Variants in SORCS3 observed in about 807,000 individuals in gnomAD.
SORCS3 encodes VPS10 domain-containing receptor SorCS3.
Under a neutral mutation model 146.3 loss-of-function variants are expected in SORCS3, and 57 were observed. That is an observed-to-expected ratio of 0.39 (90% CI 0.31 to 0.49). The LOEUF is 0.49. Ranked by LOEUF, SORCS3 falls within the 20% of genes least tolerant of loss-of-function variation. The probability of loss-of-function intolerance (pLI) is 0.92; values close to 1 mark genes in which losing one functional copy is unlikely to be tolerated. For missense variants in SORCS3, 1,341 were observed against 1,575.5 expected, an observed-to-expected ratio of 0.85 and a Z score of 2.52; for synonymous variants, 653 against 618.5, an observed-to-expected ratio of 1.06 and a Z score of -0.83.
chr10:104,899,134 G>A (rs948954827), intron 2 of SORCS3, among the ~76,000 whole-genome samples: 16 of 152,164 alleles, frequency 1.1e-4, no homozygotes, highest in African/African-American at 3.9e-4. Flanking sequence ...GAATGAAACA[G>A]CAGCTTCCTA....
intron 20 of SORCS3, among the ~76,000 whole-genome samples, chr10:105,229,720 C>A (rs1176825957): frequency 6.6e-6 from 1 of 152,050 alleles, no homozygotes; most frequent in African/African-American, 2.4e-5. Context: ...TCAGGTGGGC[C>A]AGGGTCTGGG....
chr10:105,062,946 C>G (rs528042984), intron 5 of SORCS3, among the ~76,000 whole-genome samples: 2 of 152,206 alleles, frequency 1.3e-5, no homozygotes, highest in South Asian at 4.2e-4. Flanking sequence ...TGTCACCTCA[C>G]GTATGGTTGC....
At chr10:105,224,248 C>A (rs903070279) in intron 20 of SORCS3, among the ~76,000 whole-genome samples, 13 of 152,188 alleles carry the variant, frequency 8.5e-5, no homozygotes, top group African/African-American at 3.1e-4. Context: ...TTCTTACCTG[C>A]CTCCTCCTTA....
At chr10:105,038,127 G>A (rs184932878) in intron 4 of SORCS3, among the ~76,000 whole-genome samples, 1 of 152,200 alleles carries the variant, frequency 6.6e-6, no homozygotes, top group Non-Finnish European at 1.5e-5. Flanking sequence ...GAAAGGAGAG[G>A]ATCTCGATTG....
intron 9 of SORCS3, among the ~76,000 whole-genome samples, chr10:105,152,470 A>G (rs928615132): frequency 6.6e-6 from 1 of 152,148 alleles, no homozygotes; most frequent in Non-Finnish European, 1.5e-5. Context: ...AAAATCCTGG[A>G]TGTATTTTAC....
At chr10:105,037,714 C>T (rs2055315462) in intron 4 of SORCS3, among the ~76,000 whole-genome samples, 1 of 152,188 alleles carries the variant, frequency 6.6e-6, no homozygotes, top group South Asian at 2.1e-4. Flanking sequence ...TTGATTACAT[C>T]TGCAAAGAAT....
intron 7 of SORCS3, among the ~76,000 whole-genome samples, chr10:105,117,319 G>A (rs1471543474): frequency 1.3e-5 from 2 of 152,144 alleles, no homozygotes; most frequent in Non-Finnish European, 2.9e-5. Flanking sequence ...ACTTTTGGGG[G>A]TAACTTAATG....
intron 8 of SORCS3, 56 bp from the exon 9 acceptor site, chr10:105,147,561 A>G: frequency 6.8e-7 from 1 of 1,463,896 alleles, no homozygotes; most frequent in Non-Finnish European, 9.3e-7. Context: ...TTGGCATCCC[A>G]ATGGGCAGAG....
intron 14 of SORCS3, among the ~76,000 whole-genome samples, chr10:105,183,397 A>G (rs918248900): frequency 7.9e-5 from 12 of 152,132 alleles, no homozygotes; most frequent in African/African-American, 2.9e-4. Flanking sequence ...AGCCTTTTCC[A>G]CTTAAAAAAC....
Position 105,256,869 on chromosome 10 carries a change from C to T in SORCS3, c.3388C>T (p.Leu1130=). 6.2e-7 allele frequency: 1 copy of T among 1,614,176 alleles called. No homozygotes were observed. The highest frequency in any genetic ancestry group is 8.5e-7 in the Non-Finnish European group (1 of 1,180,022). The change falls in exon 25 of 27, where the codon CTA becomes TTA. Residue 1130 remains leucine (L), a synonymous_variant. Coordinates refer to ENST00000369701, the MANE Select transcript of SORCS3 (RefSeq NM_014978.3). ...GCACAGCAGCTCAGCCATGCTTATGCTATTATCAGTGGTATTTGTTGGCCT... is the reference window on the plus strand; with the variant it reads ...GCACAGCAGCTCAGCCATGCTTATGTTATTATCAGTGGTATTTGTTGGCCT... ...AGHSSSAMLM[L]LSVVFVGLAV... is the part of the protein sequence containing the mutation.
chr10:105,177,490 G>C (rs1285151380), intron 13 of SORCS3, among the ~76,000 whole-genome samples: 2 of 151,982 alleles, frequency 1.3e-5, no homozygotes, highest in Non-Finnish European at 2.9e-5. Flanking sequence ...TTCCACAAGG[G>C]GCCAGACCTT....
At chr10:104,971,505 G>T (rs1372556468) in intron 3 of SORCS3, among the ~76,000 whole-genome samples, 1 of 152,192 alleles carries the variant, frequency 6.6e-6, no homozygotes. Context: ...TGGAGCTAGG[G>T]TATACCAGAG....
At chr10:105,261,433 G>A (rs2056959848) in intron 25 of SORCS3, among the ~76,000 whole-genome samples, 3 of 152,160 alleles carry the variant, frequency 2.0e-5, no homozygotes, top group Admixed American at 1.3e-4. Context: ...AGCATCACCT[G>A]GGAGCTTGGC....
At chr10:104,885,607 A>G (rs1322087750) in intron 2 of SORCS3, among the ~76,000 whole-genome samples, 1 of 152,188 alleles carries the variant, frequency 6.6e-6, no homozygotes, top group Non-Finnish European at 1.5e-5. Context: ...CCTCAAATAT[A>G]GAATGCATAA....
chr10:104,668,154 T>C (rs1399917409), intron 1 of SORCS3, among the ~76,000 whole-genome samples: 1 of 152,218 alleles, frequency 6.6e-6, no homozygotes, highest in African/African-American at 2.4e-5. Context: ...AACAGCTGTG[T>C]GTGTGTGTGT....
intron 1 of SORCS3, among the ~76,000 whole-genome samples, chr10:104,792,062 T>C (rs1178908360): frequency 1.3e-5 from 2 of 152,150 alleles, no homozygotes; most frequent in African/African-American, 4.8e-5. Context: ...ATCAGAGTTG[T>C]TATATTTCTA....
intron 14 of SORCS3, among the ~76,000 whole-genome samples, chr10:105,183,895 A>T (rs1247003073): frequency 1.3e-5 from 2 of 152,200 alleles, no homozygotes; most frequent in Non-Finnish European, 2.9e-5. Flanking sequence ...GTGGTGACTG[A>T]GAGCATGGGC....
intron 1 of SORCS3, among the ~76,000 whole-genome samples, chr10:104,705,229 T>G (rs1436911505): frequency 6.6e-6 from 1 of 150,414 alleles, no homozygotes; most frequent in Non-Finnish European, 1.5e-5. Context: ...GCCTTCGTTT[T>G]TTTTTTTTTT....
intron 1 of SORCS3, among the ~76,000 whole-genome samples, chr10:104,670,984 G>A (rs988433628): frequency 3.3e-5 from 5 of 151,880 alleles, no homozygotes; most frequent in African/African-American, 9.7e-5. Context: ...TTAATGTAAC[G>A]ATATGCAATT....
Sources: gnomAD v4.1 joint callset for allele counts (sites outside exome capture counted in the v4.1 genomes callset) on GRCh38, gnomAD v4.1.1 for gene constraint, MANE v1.5 for transcripts, NCBI Gene and HGNC (gene_info 2026-07-23, HGNC 2026-07-21) for gene names.